The following PPIL2 variants were observed in gnomAD, a reference collection of about 807,000 sequenced individuals.
PPIL2 encodes the protein peptidylprolyl isomerase like 2.
PPIL2 carries 50 observed loss-of-function variants against 75.2 expected under a neutral mutation model. The ratio of observed to expected loss-of-function variants is 0.66; its 90% CI spans 0.53 to 0.84. The LOEUF (loss-of-function observed/expected upper bound fraction) is 0.84, where lower values mean the gene tolerates loss of function less well. Among genes scored for constraint, PPIL2 ranks in the 40% least tolerant of loss-of-function variants. PPIL2 has a pLI of 0.00. For missense variants in PPIL2, 590 were observed against 685.0 expected (o/e 0.86, Z 1.55); for synonymous variants, 245 against 258.8 (o/e 0.95, Z 0.51).
chr22:21,696,976 C>T lies in PPIL2; in HGVS notation c.*1486C>T, dbSNP rs373203903. 2.0e-5 allele frequency: 31 copies of T among 1,558,634 alleles called. No individual in the cohort carries two copies. The Middle Eastern group carries it at 5.6e-4, about 28-fold the overall frequency. ...TTCATCATGCTAAGAACAAGAACTG[C>T]GCCATGGCTGGCTCCTTCTCTTCTC... On this transcript the variant is annotated 3_prime_UTR_variant, in exon 20 of 20. Coordinates refer to ENST00000398831, the MANE Select transcript of PPIL2 (RefSeq NM_014337.4).
intron 6 of PPIL2, among the ~76,000 whole-genome samples, chr22:21,677,984 G>C (rs991111357): frequency 4.6e-5 from 7 of 152,182 alleles, no homozygotes; most frequent in African/African-American, 1.7e-4. Context: ...CCTGAGGTGG[G>C]CGCACGCTCA....
intron 6 of PPIL2, among the ~76,000 whole-genome samples, chr22:21,676,612 G>C (rs1245132210): frequency 1.3e-5 from 2 of 151,912 alleles, no homozygotes; most frequent in Non-Finnish European, 2.9e-5. Flanking sequence ...AGCACATCTT[G>C]CACCGCCCTT....
intron 1 of PPIL2, among the ~76,000 whole-genome samples, chr22:21,666,895 C>T (rs560965619): frequency 6.6e-6 from 1 of 152,306 alleles, no homozygotes; most frequent in Non-Finnish European, 1.5e-5. Flanking sequence ...TGTTGTTTCT[C>T]TTAAGAACAA....
At chr22:21,671,187 A>G (rs108815) in intron 4 of PPIL2, 128 bp downstream of exon 4, 313,645 of 917,268 alleles carry the variant, frequency 0.34, 55,349 homozygotes, top group East Asian at 0.45. Flanking sequence ...CCTTGGGGAC[A>G]TGGCAGCAAT....
intron 11 of PPIL2, 22 bp downstream of exon 11, chr22:21,686,580 G>T (rs568070033): frequency 6.2e-7 from 1 of 1,610,196 alleles, no homozygotes; most frequent in East Asian, 2.2e-5. Flanking sequence ...GGCCTCTGTA[G>T]CCACCTGCCA....
chr22:21,672,468 G>C (rs957744417), intron 5 of PPIL2, 87 bp downstream of exon 5: 2 of 1,355,722 alleles, frequency 1.5e-6, no homozygotes, highest in Non-Finnish European at 2.1e-6. Context: ...CATGAACACA[G>C]GAACATGGGA....
chr22:21,678,310 C>T (rs1325055565), intron 6 of PPIL2, among the ~76,000 whole-genome samples: 1 of 152,088 alleles, frequency 6.6e-6, no homozygotes, highest in Non-Finnish European at 1.5e-5. Context: ...CAGCTCACTG[C>T]AACCTCTGCC....
Position 21,666,143 on chromosome 22 carries a change from C to T in PPIL2, c.32+12C>T, listed in dbSNP as rs780720717. On this transcript the variant is annotated intron_variant, in intron 1 of 19. Transcript: ENST00000398831. ...CAAAAGGACAAAATGTAAGTTGAGC[C>T]GCAGTCGGGAGCGGCGCTCCACTCT... 5.6e-6 allele frequency: 9 copies of T among 1,611,602 alleles called. No individual in the cohort carries two copies. The highest frequency in any genetic ancestry group is 4.0e-5 in the African/African-American group (3 of 74,892).
chr22:21,678,266 C>CT (rs2066961242), intron 6 of PPIL2, among the ~76,000 whole-genome samples: 1 of 152,138 alleles, frequency 6.6e-6, no homozygotes, highest in African/African-American at 2.4e-5. Context: ...AATGAGGTCT[C>CT]TGTCACCCAG....
At chr22:21,695,211 C>G in intron 19 of PPIL2, 141 bp downstream of exon 19, 1 of 1,363,424 alleles carries the variant, frequency 7.3e-7, no homozygotes, top group South Asian at 1.5e-5. Flanking sequence ...CCTCTGCAGC[C>G]GAGGGACTGC....
rs536069153 is a variant in PPIL2 at position 21,697,070 on chromosome 22, ACTTTTGACGCC to A, written c.*1583_*1593del. 1.8e-4 allele frequency: 252 copies of A among 1,385,804 alleles called. 1 individual carries two copies. The East Asian group carries it at 5.6e-3, about 31-fold the overall frequency. The allele number at this position is 1,385,804 out of a possible 1,614,324, so 85.8% of individuals were successfully genotyped here. ...GGTCGGGCCCCTGGGCTCTAGAGTGACTTTTGACGCCCTCCATCCCTCCCGCCAGGCACTGT... is the reference window on the plus strand; with the variant it reads ...GGTCGGGCCCCTGGGCTCTAGAGTGACTCCATCCCTCCCGCCAGGCACTGT... On this transcript the variant is annotated 3_prime_UTR_variant, in exon 20 of 20. Coordinates refer to ENST00000398831, the MANE Select transcript of PPIL2 (RefSeq NM_014337.4).
chr22:21,668,070 C>T (rs1172999635), intron 1 of PPIL2, among the ~76,000 whole-genome samples: 2 of 151,806 alleles, frequency 1.3e-5, no homozygotes, highest in Admixed American at 1.3e-4. Flanking sequence ...AGCCACCGTG[C>T]CGGGCCAGAC....
Position 21,671,032 on chromosome 22 carries a change from C to G in PPIL2, c.164C>G (p.Thr55Ser). ...CAGCCCTTTGTCTACCCAGTCTGCA[C>G]TCCCGATGGCATCGTCTTTGACTTA... Reference protein sequence around the residue: ...SLQPFVYPVCTPDGIVFDLLN... With the variant: ...SLQPFVYPVCSPDGIVFDLLN... Residue 55 changes from threonine (T) to serine (S), a missense_variant, in exon 4 of 20, where the codon ACT becomes AGT. Thr to Ser is a moderately conservative substitution (Grantham distance 58). Coordinates refer to ENST00000398831, the MANE Select transcript of PPIL2 (RefSeq NM_014337.4). 1 of 1,613,210 alleles carries G rather than the reference C, an allele frequency of 6.2e-7. No individual in the cohort carries two copies. The highest frequency in any genetic ancestry group is 8.5e-7 in the Non-Finnish European group (1 of 1,179,074).
rs182242828 is a variant in PPIL2, at chr22:21,696,228, C to G, written c.*738C>G. The G allele has an allele frequency of 9.9e-7, 1 of 1,009,406 alleles. No homozygotes were observed. The highest frequency in any genetic ancestry group is 9.9e-5 in the East Asian group (1 of 10,116). 62.5% of individuals were successfully genotyped at this position (1,009,406 alleles called of 1,614,324 possible). A position where few individuals can be genotyped will look rare whatever the true frequency, so the allele number is the denominator to read the frequency against. ...TCCTGCCGTGCCCTGCCTGAGCTCT[C>G]AGGGCCCTGCTCACCTGCTCTGGCT... On this transcript the variant is annotated 3_prime_UTR_variant, in exon 20 of 20. Coordinates refer to ENST00000398831, the MANE Select transcript of PPIL2 (RefSeq NM_014337.4).
At chr22:21,670,817 A>T in intron 3 of PPIL2, 180 bp from the exon 4 acceptor site, 1 of 840,292 alleles carries the variant, frequency 1.2e-6, no homozygotes, top group Non-Finnish European at 2.0e-6. Flanking sequence ...GACCTTCACC[A>T]GGGGTGGCAC....
At chr22:21,683,569 G>A (rs530630144) in intron 9 of PPIL2, among the ~76,000 whole-genome samples, 22 of 152,396 alleles carry the variant, frequency 1.4e-4, no homozygotes, top group African/African-American at 3.8e-4. Context: ...TGGCTGTCCT[G>A]CAGCCTTGGA....
intron 6 of PPIL2, among the ~76,000 whole-genome samples, chr22:21,676,180 G>A (rs1050574367): frequency 2.6e-5 from 4 of 152,084 alleles, no homozygotes; most frequent in South Asian, 2.1e-4. Flanking sequence ...ATTGACGTCG[G>A]TGGAGGACAC....
intron 6 of PPIL2, among the ~76,000 whole-genome samples, chr22:21,677,993 C>G (rs577447096): frequency 1.3e-5 from 2 of 152,150 alleles, no homozygotes; most frequent in Non-Finnish European, 2.9e-5. Context: ...GGCGCACGCT[C>G]AAGGGTGTCT....
chr22:21,667,668 G>A (rs1240796123), intron 1 of PPIL2, among the ~76,000 whole-genome samples: 1 of 151,626 alleles, frequency 6.6e-6, no homozygotes, highest in Non-Finnish European at 1.5e-5. Context: ...CTCTGTGGGT[G>A]ATATAATTTC....
Sources: gnomAD v4.1 joint callset for allele counts (sites outside exome capture counted in the v4.1 genomes callset) on GRCh38, gnomAD v4.1.1 for gene constraint, MANE v1.5 for transcripts, NCBI Gene and HGNC (gene_info 2026-07-23, HGNC 2026-07-21) for gene names.